Variants in POLD3 observed in about 807,000 individuals in gnomAD.
The protein encoded by POLD3 is DNA polymerase delta 3, accessory subunit.
Under a neutral mutation model 58.2 loss-of-function variants are expected in POLD3, and 19 were observed. The observed-to-expected ratio is 0.33, with a 90% CI of 0.23 to 0.48. POLD3 has a LOEUF of 0.48. Among genes scored for constraint, POLD3 ranks in the 20% least tolerant of loss-of-function variants. The pLI, the probability that POLD3 is intolerant of heterozygous loss-of-function variation, is 0.99. For missense variants in POLD3, 504 were observed against 545.5 expected (o/e 0.92, Z 0.76); for synonymous variants, 172 against 193.5 (o/e 0.89, Z 0.92).
At chr11:74,604,241 A>G (rs1272297063) in intron 2 of POLD3, among the ~76,000 whole-genome samples, 1 of 152,218 alleles carries the variant, frequency 6.6e-6, no homozygotes, top group Non-Finnish European at 1.5e-5. Flanking sequence ...AGGGTTATAG[A>G]TGGCCACCTG....
At chr11:74,643,101 G>A (rs72979230), downstream of POLD3, 2,220 of 198,140 alleles carry the variant, frequency 0.011, 24 homozygotes, top group Non-Finnish European at 0.015. Context: ...GCATGAATTC[G>A]GTCCATGTTG....
chr11:74,660,674 GT>G (rs1425471158), intron 4 of POLD3, among the ~76,000 whole-genome samples: 1 of 152,012 alleles, frequency 6.6e-6, no homozygotes, highest in Non-Finnish European at 1.5e-5. Flanking sequence ...AGATCTGGTT[GT>G]TTAAAAGTGG....
chr11:74,660,726 A>G (rs944076958), intron 4 of POLD3, among the ~76,000 whole-genome samples: 1 of 152,138 alleles, frequency 6.6e-6, no homozygotes, highest in African/African-American at 2.4e-5. Flanking sequence ...TTCTCTGGCC[A>G]GGTAAGGTGT....
intron 11 of POLD3, chr11:74,638,585 C>T (rs748863317): frequency 6.6e-5 from 30 of 454,732 alleles, no homozygotes; most frequent in Non-Finnish European, 1.1e-4. Flanking sequence ...AATAACAGCT[C>T]GTAATTTTGT....
At position 74,618,525 on chromosome 11, in the gene POLD3, T is replaced by C. The variant is rs777551673; in HGVS notation, c.393-12T>C. On this transcript the variant is annotated splice_polypyrimidine_tract_variant and intron_variant, in intron 5 of 11. Transcript: ENST00000263681. ...TGCTGACATTAACTTAATGTAACAT[T>C]TCTGTCCCCAGATTTAGTGCTATAC... is the stretch of plus-strand genomic sequence containing the variant. 5.0e-6 allele frequency: 8 copies of C among 1,588,974 alleles called. No individual in the cohort carries two copies. In the Admixed American group the frequency reaches 1.4e-4, roughly 28 times the overall value.
intron 9 of POLD3, among the ~76,000 whole-genome samples, chr11:74,631,928 C>T (rs1366271397): frequency 6.6e-6 from 1 of 151,944 alleles, no homozygotes; most frequent in African/African-American, 2.4e-5. Context: ...AACTTTCTAC[C>T]CAAGGGACTG....
chr11:74,626,981 A>G (rs1402195588), intron 8 of POLD3, among the ~76,000 whole-genome samples: 3 of 152,202 alleles, frequency 2.0e-5, no homozygotes, highest in Non-Finnish European at 4.4e-5. Context: ...TATACATAAT[A>G]CTTGATAATA....
At chr11:74,629,008 C>G (rs1591312132) in intron 8 of POLD3, 2 of 383,576 alleles carry the variant, frequency 5.2e-6, no homozygotes, top group African/African-American at 2.1e-5. Flanking sequence ...AACTCTAGAA[C>G]TTTTTTATTC....
exon 5 of POLD3, chr11:74,668,821 T>G (rs1196223610): frequency 2.3e-6 from 3 of 1,282,598 alleles, no homozygotes; most frequent in East Asian, 5.6e-5. Context: ...TTTGGAGCAT[T>G]ACGTGGAAAT....
chr11:74,608,798 T>C (rs1226927545), intron 3 of POLD3, among the ~76,000 whole-genome samples: 1 of 152,228 alleles, frequency 6.6e-6, no homozygotes, highest in Non-Finnish European at 1.5e-5. Context: ...TCTGTAATTT[T>C]TATAATAAGC....
chr11:74,592,937 C>G, intron 1 of POLD3: 1 of 1,401,172 alleles, frequency 7.1e-7, no homozygotes, highest in South Asian at 1.5e-5. Context: ...CTTGGGTGGG[C>G]GTGCTGGGAA....
chr11:74,629,957 T>G (rs1248685458), intron 9 of POLD3, among the ~76,000 whole-genome samples: 2 of 152,180 alleles, frequency 1.3e-5, no homozygotes, highest in African/African-American at 4.8e-5. Flanking sequence ...TGAACTGATA[T>G]GCTGGACGAC....
At chr11:74,605,867 T>A (rs2031656438) in intron 3 of POLD3, among the ~76,000 whole-genome samples, 1 of 152,164 alleles carries the variant, frequency 6.6e-6, no homozygotes, top group African/African-American at 2.4e-5. Flanking sequence ...GAGAATCACT[T>A]GAGCCCAGGA....
chr11:74,658,764 C>CA (rs1452282173), intron 4 of POLD3, among the ~76,000 whole-genome samples: 1 of 152,192 alleles, frequency 6.6e-6, no homozygotes, highest in Non-Finnish European at 1.5e-5. Flanking sequence ...CACCCTGATG[C>CA]AAAAGGTGGG....
chr11:74,600,780 C>G (rs1316087588), intron 2 of POLD3, among the ~76,000 whole-genome samples: 1 of 131,546 alleles, frequency 7.6e-6, no homozygotes, highest in Admixed American at 8.9e-5. Flanking sequence ...TGTGATGGCA[C>G]GATCCCAGCT....
chr11:74,662,354 T>C (rs991179312), intron 4 of POLD3, among the ~76,000 whole-genome samples: 3 of 151,156 alleles, frequency 2.0e-5, no homozygotes, highest in Non-Finnish European at 3.0e-5. Flanking sequence ...ACCTGGTTAT[T>C]GCTGCTCATT....
intron 7 of POLD3, among the ~76,000 whole-genome samples, chr11:74,623,572 T>A (rs947080123): frequency 3.3e-5 from 5 of 152,198 alleles, no homozygotes; most frequent in African/African-American, 1.2e-4. Context: ...ATGGTGGATA[T>A]ACAACTAAAA....
At chr11:74,637,346 C>A (rs754154279) in intron 11 of POLD3, among the ~76,000 whole-genome samples, 1 of 151,054 alleles carries the variant, frequency 6.6e-6, no homozygotes, top group South Asian at 2.1e-4. Flanking sequence ...AAATTCTTTA[C>A]GTGTGGAAAT....
Position 74,641,498 on chromosome 11 carries a change from T to C in POLD3, c.*732T>C. 8 of 985,434 alleles carry C rather than the reference T, an allele frequency of 8.1e-6. No individual in the cohort carries two copies. The highest frequency in any genetic ancestry group is 9.6e-6 in the Non-Finnish European group (8 of 829,942). The allele number at this position is 985,434 out of a possible 1,614,324, so 61.0% of individuals were successfully genotyped here. On this transcript the variant is annotated 3_prime_UTR_variant, in exon 12 of 12. Transcript: ENST00000263681. ...TGATGTGTTCAACTCCACCAGAAAT[T>C]ACCTCGAGTCAGCATTGACGATATT...
Sources: allele counts gnomAD v4.1 joint callset (sites outside exome capture counted in the v4.1 genomes callset), GRCh38; gene constraint gnomAD v4.1.1; transcripts MANE v1.5; gene names NCBI Gene and HGNC (gene_info 2026-07-23, HGNC 2026-07-21).